The following CAMTA1 variants were observed in gnomAD, a reference collection of about 807,000 sequenced individuals.
CAMTA1 encodes calmodulin binding transcription activator 1.
Under a neutral mutation model 170.9 loss-of-function variants are expected in CAMTA1, and 27 were observed. The ratio of observed to expected loss-of-function variants is 0.16; its 90% CI spans 0.12 to 0.22. CAMTA1 has a LOEUF of 0.22. CAMTA1 is among the 10% of genes least tolerant of loss of function. The pLI is 1.00. For missense variants in CAMTA1, 1,619 were observed against 2,217.2 expected, an observed-to-expected ratio of 0.73 and a Z score of 5.42; for synonymous variants, 833 against 891.5, an observed-to-expected ratio of 0.93 and a Z score of 1.17.
At chr1:7,270,274 C>CACAT (rs71299822) in intron 5 of CAMTA1, among the ~76,000 whole-genome samples, 58 of 29,706 alleles carry the variant, frequency 2.0e-3, no homozygotes, top group East Asian at 0.011. Flanking sequence ...CACACACACA[C>CACAT]ATATATATAT....
At chr1:7,762,670 T>A in intron 22 of CAMTA1, among the ~76,000 whole-genome samples, 1 of 152,312 alleles carries the variant, frequency 6.6e-6, no homozygotes, top group South Asian at 2.1e-4. Flanking sequence ...TAAGTTAACA[T>A]CTATATGGTC....
chr1:7,290,477 TGA>T (rs1672967375), intron 5 of CAMTA1, among the ~76,000 whole-genome samples: 1 of 152,194 alleles, frequency 6.6e-6, no homozygotes, highest in Admixed American at 6.5e-5. Flanking sequence ...CTGCCTTCAG[TGA>T]GAGTAACTCG....
intron 6 of CAMTA1, among the ~76,000 whole-genome samples, chr1:7,584,181 G>A (rs963541111): frequency 6.6e-6 from 1 of 152,122 alleles, no homozygotes; most frequent in Admixed American, 6.5e-5. Context: ...TATTCCAGGG[G>A]CGCCATGACT....
intron 6 of CAMTA1, among the ~76,000 whole-genome samples, chr1:7,631,739 T>G (rs186592625): frequency 1.1e-4 from 17 of 152,246 alleles, no homozygotes; most frequent in Admixed American, 9.8e-4. Flanking sequence ...TCAGGGAGCA[T>G]CCTTCTTGTG....
At chr1:7,502,405 A>G (rs1367065558) in intron 6 of CAMTA1, among the ~76,000 whole-genome samples, 1 of 152,246 alleles carries the variant, frequency 6.6e-6, no homozygotes, top group African/African-American at 2.4e-5. Flanking sequence ...GAGGAAATGC[A>G]TTCAATAAAA....
chr1:7,292,540 G>A (rs919538876), intron 5 of CAMTA1, among the ~76,000 whole-genome samples: 3 of 152,068 alleles, frequency 2.0e-5, no homozygotes, highest in Non-Finnish European at 4.4e-5. Context: ...TGATCCATAC[G>A]GGTACTGCCT....
intron 3 of CAMTA1, among the ~76,000 whole-genome samples, chr1:6,972,726 G>A (rs372856735): frequency 3.9e-5 from 6 of 152,054 alleles, no homozygotes; most frequent in Admixed American, 3.3e-4. Flanking sequence ...CAGTGTAGAC[G>A]TCTTTCTGTC....
chr1:7,381,099 A>C (rs776192976), intron 5 of CAMTA1, among the ~76,000 whole-genome samples: 1 of 152,188 alleles, frequency 6.6e-6, no homozygotes, highest in Non-Finnish European at 1.5e-5. Flanking sequence ...CGAAAACATC[A>C]TAATAGCGGT....
In CAMTA1 at chr1:7,746,003, A is replaced by C. The variant is rs773154922; in HGVS notation, c.4529A>C (p.Glu1510Ala). 1 of 1,614,170 alleles carries C rather than the reference A, an allele frequency of 6.2e-7. No homozygotes were observed. Among genetic ancestry groups the C allele is most frequent in the South Asian group, 1.1e-5 (1 of 91,084 alleles). ...TCTACCAGTGAGAAGGTAGAGAATG[A>C]GTTTGCTCAGCTCACTCTGTCTGAT... The part of the protein sequence containing the change: ...SASTSEKVEN[E>A]FAQLTLSDHE... Residue 1510 changes from glutamate (E) to alanine (A), a missense_variant, in exon 18 of 23, where the codon GAG becomes GCG. By Grantham distance (107) the Glu-to-Ala change is moderately radical. This residue lies in a region of CAMTA1 where 128 missense variants were observed against 213.5 expected (regional missense o/e 0.60). Transcript: ENST00000303635.
intron 6 of CAMTA1, among the ~76,000 whole-genome samples, chr1:7,538,397 C>A (rs1356331273): frequency 6.6e-6 from 1 of 152,168 alleles, no homozygotes; most frequent in Non-Finnish European, 1.5e-5. Flanking sequence ...GCAGTGTAAT[C>A]CCAGCACTTT....
At chr1:7,312,659 T>C (rs1676908566) in intron 5 of CAMTA1, among the ~76,000 whole-genome samples, 1 of 152,244 alleles carries the variant, frequency 6.6e-6, no homozygotes, top group Admixed American at 6.5e-5. Flanking sequence ...TTGCTCACTT[T>C]CCAGGTGCTG....
rs74830883 is a variant in CAMTA1, at chr1:7,765,895, C to T, written c.4990-564C>T. On this transcript the variant is annotated intron_variant, in intron 22 of 22. Coordinates refer to ENST00000303635, the MANE Select transcript of CAMTA1 (RefSeq NM_015215.4). The stretch of plus-strand genomic sequence containing the variant: ...ACAGAAAATTAGCCGGGTGTGGTGG[C>T]GGGCGCCTGTAGTCCCAGCTACTCG... Among the ~76,000 whole-genome samples the T allele has an allele frequency of 2.5e-3, 380 of 151,854 alleles. 1 individual carries two copies. The highest frequency in any genetic ancestry group is 4.0e-3 in the Non-Finnish European group (273 of 67,954).
chr1:7,314,536 C>CT (rs1351169255), intron 5 of CAMTA1, among the ~76,000 whole-genome samples: 6 of 152,186 alleles, frequency 3.9e-5, no homozygotes, highest in Non-Finnish European at 7.3e-5. Flanking sequence ...ATTATTAACT[C>CT]TTTTTTATCA....
In CAMTA1 at chr1:7,635,075, C is replaced by G. The variant is rs1294041334; in HGVS notation, c.511-5325C>G. ...GACCATGCCACGGGGCTCTCTCTCC[C>G]CAGCCTTTGGCACTGACCAGGCCTC... On this transcript the variant is annotated intron_variant, in intron 6 of 22. Transcript: ENST00000303635. The surrounding 1 kb of genome is among the most constrained non-coding windows in gnomAD (Gnocchi z 4.4). Among the ~76,000 whole-genome samples the G allele has an allele frequency of 6.6e-6, 1 of 152,218 alleles. No homozygotes were observed. The highest frequency in any genetic ancestry group is 1.5e-5 in the Non-Finnish European group (1 of 68,044).
At chr1:7,453,927 A>G (rs1386334683) in intron 5 of CAMTA1, among the ~76,000 whole-genome samples, 1 of 152,242 alleles carries the variant, frequency 6.6e-6, no homozygotes, top group Non-Finnish European at 1.5e-5. Flanking sequence ...GGTGAGCTGC[A>G]GCAGGCGTGT....
At chr1:7,366,872 G>C (rs1306285849) in intron 5 of CAMTA1, among the ~76,000 whole-genome samples, 3 of 152,210 alleles carry the variant, frequency 2.0e-5, no homozygotes, top group African/African-American at 7.2e-5. Flanking sequence ...CAGCTCATCT[G>C]TCTGGGTCAC....
chr1:6,954,106 C>T (rs1038965537), intron 3 of CAMTA1, among the ~76,000 whole-genome samples: 3 of 152,210 alleles, frequency 2.0e-5, no homozygotes, highest in Non-Finnish European at 4.4e-5. Flanking sequence ...TTTTTCTCAC[C>T]ATTTCATGAA....
chr1:7,000,336 A>G (rs1331122371), intron 3 of CAMTA1, among the ~76,000 whole-genome samples: 1 of 152,200 alleles, frequency 6.6e-6, no homozygotes, highest in East Asian at 1.9e-4. Flanking sequence ...GTTTGGGGGC[A>G]TCTCTAAAAT....
intron 5 of CAMTA1, among the ~76,000 whole-genome samples, chr1:7,406,472 A>G (rs2090296088): frequency 6.6e-6 from 1 of 152,072 alleles, no homozygotes; most frequent in Non-Finnish European, 1.5e-5. Context: ...TATACTGGAC[A>G]CTCGGAGAGT....
Sources: allele counts gnomAD v4.1 joint callset (sites outside exome capture counted in the v4.1 genomes callset), GRCh38; gene constraint gnomAD v4.1.1; regional missense constraint gnomAD v4.1.1; non-coding constraint Gnocchi (gnomAD v3.1); transcripts MANE v1.5; gene names NCBI Gene and HGNC (gene_info 2026-07-23, HGNC 2026-07-21).